The following MAP1B variants were observed in gnomAD, a reference collection of about 807,000 sequenced individuals.
MAP1B encodes microtubule-associated protein 1B.
A neutral mutation model predicts 176.1 loss-of-function variants in MAP1B; 12 were observed. That is an observed-to-expected ratio of 0.07 (90% CI 0.04 to 0.11). MAP1B has a LOEUF of 0.11. Among genes scored for constraint, MAP1B ranks in the 10% least tolerant of loss-of-function variants. The pLI, the probability that MAP1B is intolerant of heterozygous loss-of-function variation, is 1.00. For synonymous variants in MAP1B, 1,044 were observed against 1,135.0 expected, an observed-to-expected ratio of 0.92 and a Z score of 1.61; for missense variants, 2,523 against 2,990.5, an observed-to-expected ratio of 0.84 and a Z score of 3.65.
chr5:72,162,470 G>A (rs949283782), intron 2 of MAP1B, among the ~76,000 whole-genome samples: 12 of 151,320 alleles, frequency 7.9e-5, no homozygotes, highest in African/African-American at 2.7e-4. Context: ...TTAAGAAAAC[G>A]AAAGACATCC....
intron 2 of MAP1B, among the ~76,000 whole-genome samples, chr5:72,175,589 C>G (rs1259936073): frequency 1.3e-5 from 2 of 152,116 alleles, no homozygotes; most frequent in African/African-American, 2.4e-5. Flanking sequence ...TCACCTTAAC[C>G]CTTGATATCC....
intron 2 of MAP1B, among the ~76,000 whole-genome samples, chr5:72,131,189 G>A (rs1271953037): frequency 1.3e-5 from 2 of 152,170 alleles, no homozygotes; most frequent in Non-Finnish European, 2.9e-5. Flanking sequence ...ATAATATGGT[G>A]CTATCTAAAT....
Position 72,107,608 on chromosome 5 carries a change from C to G in MAP1B, c.77C>G (p.Pro26Arg). The change falls in exon 1 of 7, where the codon CCT (proline) becomes CGT (arginine). Residue 26 changes from proline to arginine, a missense_variant. Physicochemically the swap from Pro to Arg is moderately radical, Grantham distance 103. This residue lies in a region of MAP1B where 307 missense variants were observed against 438.4 expected (regional missense o/e 0.70). Transcript: ENST00000296755. The part of the protein sequence containing the change: ...SIANPAASTS[P>R]SLSHRFLDSK... ...GCCAACCCGGCGGCGTCCACCTCGCCTAGCCTGTCGCACCGCTTCCTTGAC... is the reference window on the plus strand; with the variant it reads ...GCCAACCCGGCGGCGTCCACCTCGCGTAGCCTGTCGCACCGCTTCCTTGAC... 6.3e-7 allele frequency: 1 copy of G among 1,597,908 alleles called. No homozygotes were observed. Among genetic ancestry groups the G allele is most frequent in the Non-Finnish European group, 8.5e-7 (1 of 1,178,566 alleles).
chr5:72,133,736 C>A (rs1203024434), intron 2 of MAP1B, among the ~76,000 whole-genome samples: 1 of 152,144 alleles, frequency 6.6e-6, no homozygotes, highest in African/African-American at 2.4e-5. Flanking sequence ...TTTTAACTTG[C>A]CATTCAAGGA....
Position 72,196,535 on chromosome 5 carries a change from G to A in MAP1B, c.3180G>A (p.Glu1060=), listed in dbSNP as rs531496042. The change falls in exon 5 of 7, where the codon GAG becomes GAA. Residue 1060 remains glutamate, a synonymous_variant. Coordinates refer to ENST00000296755, the MANE Select transcript of MAP1B (RefSeq NM_005909.5). This position sits in a 1 kb window ranked among gnomAD's most constrained non-coding sequence, Gnocchi z 5.3. ...CTGCAGAGGCTGGTGGTGCCGAGGAGCAGTATGGATTCCTCACCACACCAA... is the reference window on the plus strand; with the variant it reads ...CTGCAGAGGCTGGTGGTGCCGAGGAACAGTATGGATTCCTCACCACACCAA... ...DKAAEAGGAE[E]QYGFLTTPTK... 4.3e-6 allele frequency: 7 copies of A among 1,613,806 alleles called. No homozygotes were observed. In the East Asian group the frequency reaches 8.9e-5, roughly 21 times the overall value.
At position 72,119,619 on chromosome 5, in the gene MAP1B, C is replaced by G. The variant is rs146184206; in HGVS notation, c.286+3820C>G. Among the ~76,000 whole-genome samples the G allele has an allele frequency of 3.9e-3, 589 of 152,266 alleles. 3 individuals are homozygous for G. The highest frequency in any genetic ancestry group is 6.2e-3 in the Non-Finnish European group (420 of 68,014). The stretch of plus-strand genomic sequence containing the variant: ...ACCTCCTGGGCTCAAATGATCCCCC[C>G]ACCTCAGCCTCCTGAGTAGCTGGGA... On this transcript the variant is annotated intron_variant, in intron 2 of 6. Coordinates refer to ENST00000296755, the MANE Select transcript of MAP1B (RefSeq NM_005909.5).
intron 1 of MAP1B, among the ~76,000 whole-genome samples, chr5:72,113,388 C>G (rs114409452): frequency 6.6e-6 from 1 of 151,880 alleles, no homozygotes; most frequent in Non-Finnish European, 1.5e-5. Context: ...TTTTATCAGC[C>G]GTTTACTAGT....
Position 72,196,719 on chromosome 5 carries a change from T to A in MAP1B, c.3364T>A (p.Ser1122Thr). 6.2e-7 allele frequency: 1 copy of A among 1,614,086 alleles called. No individual in the cohort carries two copies. The highest frequency in any genetic ancestry group is 2.2e-5 in the East Asian group (1 of 44,874). ...CACTGCCACCTCTGGCTACACTCAG[T>A]CTACTATTGAGATATCCAGTGAGCC... is the stretch of plus-strand genomic sequence containing the variant. ...EFTATSGYTQ[S>T]TIEISSEPTP... Residue 1122 changes from serine to threonine, a missense_variant, in exon 5 of 7, where the codon TCT becomes ACT. Physicochemically the swap from Ser to Thr is moderately conservative, Grantham distance 58. Coordinates refer to ENST00000296755, the MANE Select transcript of MAP1B (RefSeq NM_005909.5). The surrounding 1 kb of genome is among the most constrained non-coding windows in gnomAD (Gnocchi z 5.3).
chr5:72,172,412 T>C (rs1746562757), intron 2 of MAP1B, among the ~76,000 whole-genome samples: 3 of 152,214 alleles, frequency 2.0e-5, no homozygotes, highest in Admixed American at 1.3e-4. Flanking sequence ...ATGTCGGCCA[T>C]TTGCATTTTT....
Position 72,186,841 on chromosome 5 carries a change from G to C in MAP1B, c.510+87G>C. The C allele has an allele frequency of 6.7e-7, 1 of 1,485,990 alleles. No individual in the cohort carries two copies. The highest frequency in any genetic ancestry group is 1.7e-5 in the Admixed American group (1 of 57,702). 92.1% of individuals were successfully genotyped at this position (1,485,990 alleles called of 1,614,324 possible). A position where few individuals can be genotyped will look rare whatever the true frequency, so the allele number is the denominator to read the frequency against. ...GAGAGCACTGGGGGAGACAAAAGAA[G>C]AAGGGAGGGAACCTCACAGCTCTCC... On this transcript the variant is annotated intron_variant, in intron 4 of 6. Coordinates refer to ENST00000296755, the MANE Select transcript of MAP1B (RefSeq NM_005909.5). The surrounding 1 kb of genome is among the most constrained non-coding windows in gnomAD (Gnocchi z 4.3).
intron 2 of MAP1B, among the ~76,000 whole-genome samples, chr5:72,177,284 A>G (rs908273954): frequency 4.6e-5 from 7 of 152,156 alleles, no homozygotes; most frequent in Non-Finnish European, 8.8e-5. Flanking sequence ...AGAGCCGCTC[A>G]TTGTAGCTTC....
At chr5:72,184,155 G>C (rs1403450367) in intron 3 of MAP1B, among the ~76,000 whole-genome samples, 1 of 152,196 alleles carries the variant, frequency 6.6e-6, no homozygotes, top group Non-Finnish European at 1.5e-5. Context: ...TTAGGGAAAA[G>C]AGACGCAAGC....
intron 2 of MAP1B, among the ~76,000 whole-genome samples, chr5:72,155,811 G>A (rs1746220850): frequency 7.1e-6 from 1 of 141,724 alleles, no homozygotes; most frequent in Non-Finnish European, 1.5e-5. Flanking sequence ...CTGTTGCCCA[G>A]GCTGGAGTAC....
chr5:72,137,740 T>G (rs1666787736), intron 2 of MAP1B, among the ~76,000 whole-genome samples: 1 of 152,228 alleles, frequency 6.6e-6, no homozygotes, highest in African/African-American at 2.4e-5. Context: ...ATACTTTCTC[T>G]TATTAACATC....
At chr5:72,135,888 A>G (rs1561295137) in intron 2 of MAP1B, among the ~76,000 whole-genome samples, 2 of 152,148 alleles carry the variant, frequency 1.3e-5, no homozygotes, top group Non-Finnish European at 1.5e-5. Flanking sequence ...TTGCTCCTGT[A>G]GGACTGATAT....
At chr5:72,181,288 G>A (rs6874186) in intron 2 of MAP1B, among the ~76,000 whole-genome samples, 96,650 of 151,890 alleles carry the variant, frequency 0.64, 31,528 homozygotes, top group African/African-American at 0.67. Flanking sequence ...TGCTGTTTCT[G>A]TAGTACTTCT....
chr5:72,140,666 G>T (rs1212948255), intron 2 of MAP1B, among the ~76,000 whole-genome samples: 1 of 152,212 alleles, frequency 6.6e-6, no homozygotes. Flanking sequence ...CATGTTAAAA[G>T]AGGAGATTTA....
At chr5:72,132,617 A>G (rs763175430) in intron 2 of MAP1B, among the ~76,000 whole-genome samples, 23 of 152,116 alleles carry the variant, frequency 1.5e-4, no homozygotes, top group Non-Finnish European at 2.8e-4. Flanking sequence ...ATTTCCTTGA[A>G]TTCTTTTGTT....
At chr5:72,128,415 A>G (rs1745666815) in intron 2 of MAP1B, among the ~76,000 whole-genome samples, 1 of 152,100 alleles carries the variant, frequency 6.6e-6, no homozygotes, top group Non-Finnish European at 1.5e-5. Flanking sequence ...TTTTAAAAAA[A>G]AAAAAAAACA....
Sources: gnomAD v4.1 joint callset for allele counts (sites outside exome capture counted in the v4.1 genomes callset) on GRCh38, gnomAD v4.1.1 for gene constraint, gnomAD v4.1.1 regional missense constraint, Gnocchi (gnomAD v3.1) non-coding constraint, MANE v1.5 for transcripts, NCBI Gene and HGNC (gene_info 2026-07-23, HGNC 2026-07-21) for gene names.